The following RCHY1 variants were observed in gnomAD, a reference collection of about 807,000 sequenced individuals.
RCHY1 encodes the protein RING finger and CHY zinc finger domain-containing protein 1.
Under a neutral mutation model 41.6 loss-of-function variants are expected in RCHY1, and 21 were observed. The ratio of observed to expected loss-of-function variants is 0.51; its 90% CI spans 0.36 to 0.73. The LOEUF (loss-of-function observed/expected upper bound fraction) is 0.73. Among genes scored for constraint, RCHY1 ranks in the 30% least tolerant of loss-of-function variants. The probability of loss-of-function intolerance (pLI) is 0.00; values close to 1 mark genes in which losing one functional copy is unlikely to be tolerated. For synonymous variants in RCHY1, 79 were observed against 102.9 expected, an observed-to-expected ratio of 0.77 and a Z score of 1.41; for missense variants, 265 against 325.3, an observed-to-expected ratio of 0.81 and a Z score of 1.43.
Position 75,480,424 on chromosome 4 carries a change from T to C in RCHY1, c.*2114A>G, listed in dbSNP as rs1721429797. On this transcript the variant is annotated 3_prime_UTR_variant, in exon 9 of 9. Coordinates refer to ENST00000324439, the MANE Select transcript of RCHY1 (RefSeq NM_015436.4). Reference sequence around the variant, plus strand: ...TAGATCAAAAGCAATGTGGTAAAAGTGGGTTTGGAGTCAAACTTGGATCTG... The same window carrying C: ...TAGATCAAAAGCAATGTGGTAAAAGCGGGTTTGGAGTCAAACTTGGATCTG... 1 of 152,212 alleles carries C rather than the reference T, an allele frequency of 6.6e-6. No individual in the cohort carries two copies. The highest frequency in any genetic ancestry group is 2.4e-5 in the African/African-American group (1 of 41,468). The allele number at this position is 152,212 out of a possible 1,614,324, so 9.4% of individuals were successfully genotyped here.
intron 1 of RCHY1, among the ~76,000 whole-genome samples, chr4:75,512,538 A>G (rs1303294876): frequency 1.3e-5 from 2 of 152,162 alleles, no homozygotes; most frequent in African/African-American, 4.8e-5. Context: ...CTCCTGCATT[A>G]TAAAACGTTC....
Position 75,490,647 on chromosome 4 carries a change from C to T in RCHY1, c.591G>A (p.Trp197Ter). Residue 197 changes from tryptophan (W) to a stop codon, truncating the protein, a stop_gained, in exon 8 of 9, where the codon TGG (tryptophan) becomes TGA (stop). Coordinates refer to ENST00000324439, the MANE Select transcript of RCHY1 (RefSeq NM_015436.4). LOFTEE classifies it high-confidence loss of function. ...MHSALDMTRY[W>*]RQLDDEVAQT... ...GTGCTACTTCATCATCCAGCTGTCT[C>T]CAATACCTGGTCATATCTAAAGCAG... 1 of 1,609,562 alleles carries T rather than the reference C, an allele frequency of 6.2e-7. No homozygotes were observed. Among genetic ancestry groups the T allele is most frequent in the Non-Finnish European group, 8.5e-7 (1 of 1,176,046 alleles).
At chr4:75,514,018 G>T in intron 1 of RCHY1, 179 bp downstream of exon 1, 1 of 904,592 alleles carries the variant, frequency 1.1e-6, no homozygotes, top group Non-Finnish European at 1.6e-6. Flanking sequence ...AGGTAGGAAA[G>T]GTGGGGCTTA....
chr4:75,487,617 T>TATATATATTCATATATATTCATA (rs1228736937), intron 8 of RCHY1, among the ~76,000 whole-genome samples: 11 of 22,948 alleles, frequency 4.8e-4, no homozygotes, highest in South Asian at 2.3e-3. Context: ...ATATTCATAA[T>TATATATATTCATATATATTCATA]ATATATATTC....
chr4:75,491,771 T>C lies in RCHY1; in HGVS notation c.462A>G (p.Thr154=), dbSNP rs1441371125. The change falls in exon 6 of 9, where the codon ACA becomes ACG. Residue 154 remains threonine (T), a synonymous_variant. Transcript: ENST00000324439. ...NCPICLEDIH[T]SRVVAHVLPC... is the part of the protein sequence containing the mutation. ...GCAAGACATGAGCAACAACACGGGA[T>C]GTGTGAATGTCCTGTAAATGAAATA... 19 of 1,612,884 alleles carry C rather than the reference T, an allele frequency of 1.2e-5. No individual in the cohort carries two copies. The highest frequency in any genetic ancestry group is 1.5e-5 in the Non-Finnish European group (18 of 1,179,172).
At chr4:75,493,631 T>C (rs998245388) in intron 4 of RCHY1, among the ~76,000 whole-genome samples, 1 of 151,882 alleles carries the variant, frequency 6.6e-6, no homozygotes, top group African/African-American at 2.4e-5. Flanking sequence ...AATACTTTAT[T>C]AGATTTTTTT....
rs1721407112 is a variant in RCHY1 at position 75,480,128 on chromosome 4, G to C, written c.*2410C>G. 1 of 152,164 alleles carries C rather than the reference G, an allele frequency of 6.6e-6. No homozygotes were observed. Among genetic ancestry groups the C allele is most frequent in the African/African-American group, 2.4e-5 (1 of 41,438 alleles). The allele number at this position is 152,164 out of a possible 1,614,324, so 9.4% of individuals were successfully genotyped here. On this transcript the variant is annotated 3_prime_UTR_variant, in exon 9 of 9. Coordinates refer to ENST00000324439, the MANE Select transcript of RCHY1 (RefSeq NM_015436.4). ...GTTGACGTGTCATGAACAAATACTTGAAGCAACCCTGGGTACCGAAGCCTA... is the reference window on the plus strand; with the variant it reads ...GTTGACGTGTCATGAACAAATACTTCAAGCAACCCTGGGTACCGAAGCCTA...
intron 3 of RCHY1, among the ~76,000 whole-genome samples, chr4:75,500,974 A>T (rs1723690262): frequency 1.3e-5 from 2 of 152,088 alleles, no homozygotes; most frequent in Non-Finnish European, 2.9e-5. Flanking sequence ...TTTCTCAAAT[A>T]TATATTTATA....
At chr4:75,508,461 A>G (rs1724547187) in intron 3 of RCHY1, among the ~76,000 whole-genome samples, 1 of 152,218 alleles carries the variant, frequency 6.6e-6, no homozygotes, top group South Asian at 2.1e-4. Context: ...AATTTTTTAA[A>G]TACTAATTTT....
At chr4:75,492,584 G>A (rs1341388846) in intron 4 of RCHY1, among the ~76,000 whole-genome samples, 1 of 151,900 alleles carries the variant, frequency 6.6e-6, no homozygotes. Flanking sequence ...TTAAATCCAA[G>A]GAGGTAAGGG....
chr4:75,513,223 C>G (rs1367666513), intron 1 of RCHY1, among the ~76,000 whole-genome samples: 1 of 152,108 alleles, frequency 6.6e-6, no homozygotes, highest in Non-Finnish European at 1.5e-5. Context: ...GAGACTTGAA[C>G]TTGCTTCTAA....
chr4:75,512,487 T>C (rs559185415), intron 1 of RCHY1, among the ~76,000 whole-genome samples: 8 of 152,160 alleles, frequency 5.3e-5, no homozygotes, highest in Non-Finnish European at 1.2e-4. Flanking sequence ...TTCATCCCCT[T>C]TGGCTACTCA....
Position 75,480,223 on chromosome 4 carries a change from G to A in RCHY1, c.*2315C>T, listed in dbSNP as rs1721416074. ...ACAGCATAAACGAGTGATTGCATAT[G>A]TACTCTGCATTATTTTGGACATGTT... is the stretch of plus-strand genomic sequence containing the variant. On this transcript the variant is annotated 3_prime_UTR_variant, in exon 9 of 9. Coordinates refer to ENST00000324439, the MANE Select transcript of RCHY1 (RefSeq NM_015436.4). 6.6e-6 allele frequency: 1 copy of A among 152,146 alleles called. No homozygotes were observed. The highest frequency in any genetic ancestry group is 2.1e-4 in the South Asian group (1 of 4,830). 9.4% of individuals were successfully genotyped at this position (152,146 alleles called of 1,614,324 possible).
In RCHY1 at chr4:75,502,558, A is replaced by G. The variant is rs1363837098; in HGVS notation, c.326+6262T>C. On this transcript the variant is annotated intron_variant, in intron 3 of 8. Coordinates refer to ENST00000324439, the MANE Select transcript of RCHY1 (RefSeq NM_015436.4). ...CCGTCTCAAAAAAAAAGAGAAAAGAAATCTTCTAAAGAAGAAAATCTACTT... is the reference window on the plus strand; with the variant it reads ...CCGTCTCAAAAAAAAAGAGAAAAGAGATCTTCTAAAGAAGAAAATCTACTT... Among the ~76,000 whole-genome samples the G allele has an allele frequency of 2.6e-5, 4 of 152,156 alleles. No individual in the cohort carries two copies. The East Asian group carries it at 7.7e-4, about 29-fold the overall frequency.
intron 8 of RCHY1, among the ~76,000 whole-genome samples, chr4:75,488,519 C>T (rs1459611893): frequency 6.6e-6 from 1 of 152,084 alleles, no homozygotes; most frequent in Non-Finnish European, 1.5e-5. Context: ...AACTGCCAAC[C>T]CAAGCAGGAT....
intron 8 of RCHY1, among the ~76,000 whole-genome samples, chr4:75,487,590 A>C (rs1208222596): frequency 1.1e-5 from 1 of 90,180 alleles, no homozygotes; most frequent in Non-Finnish European, 1.9e-5. Flanking sequence ...ATATATATTC[A>C]TAATATATAT....
At chr4:75,487,592 A>AATATATATTCATATATATTCATAAT (rs1553917562) in intron 8 of RCHY1, among the ~76,000 whole-genome samples, 19,504 of 55,414 alleles carry the variant, frequency 0.35, 6,383 homozygotes, top group Non-Finnish European at 0.43. Flanking sequence ...ATATATTCAT[A>AATATATATTCATATATATTCATAAT]ATATATATTC....
chr4:75,499,537 T>C (rs371122538), intron 3 of RCHY1, among the ~76,000 whole-genome samples: 10 of 152,196 alleles, frequency 6.6e-5, no homozygotes, highest in Admixed American at 2.6e-4. Context: ...CATCAGTGGA[T>C]GAATGGATAA....
intron 3 of RCHY1, among the ~76,000 whole-genome samples, chr4:75,501,622 C>A (rs1354998128): frequency 1.3e-5 from 2 of 152,144 alleles, no homozygotes; most frequent in East Asian, 1.9e-4. Context: ...TATTACAATA[C>A]CCAATAACAT....
Sources: allele counts gnomAD v4.1 joint callset (sites outside exome capture counted in the v4.1 genomes callset), GRCh38; gene constraint gnomAD v4.1.1; transcripts MANE v1.5; gene names NCBI Gene and HGNC (gene_info 2026-07-23, HGNC 2026-07-21).